The following DCAF11 variants were observed in gnomAD, a reference collection of about 807,000 sequenced individuals.
DCAF11 encodes DDB1 and CUL4 associated factor 11, also known as DDB1- and CUL4-associated factor 11.
A neutral mutation model predicts 76.1 loss-of-function variants in DCAF11; 44 were observed. The ratio of observed to expected loss-of-function variants is 0.58; its 90% CI spans 0.45 to 0.74. DCAF11 has a LOEUF of 0.74. DCAF11 is among the 30% of genes least tolerant of loss of function. The pLI, the probability that DCAF11 is intolerant of heterozygous loss-of-function variation, is 0.00. For missense variants in DCAF11, 604 were observed against 709.4 expected, an observed-to-expected ratio of 0.85 and a Z score of 1.69; for synonymous variants, 258 against 255.0, an observed-to-expected ratio of 1.01 and a Z score of -0.11.
chr14:24,119,852 G>A lies in DCAF11; in HGVS notation c.1048G>A (p.Ala350Thr), dbSNP rs1194344432. 2.5e-6 allele frequency: 4 copies of A among 1,613,928 alleles called. No homozygotes were observed. The African/African-American group carries it at 5.3e-5, about 22-fold the overall frequency. The change falls in exon 11 of 15, where the codon GCA (alanine) becomes ACA (threonine). Residue 350 changes from alanine (A) to threonine (T), a missense_variant. Coordinates refer to ENST00000446197, the MANE Select transcript of DCAF11 (RefSeq NM_025230.5). ...MREDDPKPVG[A>T]LAGHQDGITF... ...GGAGGATGACCCCAAGCCTGTGGGTGCACTGGCTGGACACCAGGATGGCAT... is the reference window on the plus strand; with the variant it reads ...GGAGGATGACCCCAAGCCTGTGGGTACACTGGCTGGACACCAGGATGGCAT...
In DCAF11 at chr14:24,119,152, G is replaced by T; in HGVS notation, c.787G>T (p.Glu263Ter). ...THTALDLRPDERRFAVFSIAV... is the reference protein window; with the variant it reads ...THTALDLRPD ...GCTCCTTCTTGCTTTTAGGCCAGAT[G>T]AGCGTCGCTTTGCTGTCTTCTCCAT... Residue 263 changes from glutamate (E) to a stop codon, truncating the protein, a stop_gained, in exon 9 of 15, where the codon GAG (glutamate) becomes TAG (stop). Coordinates refer to ENST00000446197, the MANE Select transcript of DCAF11 (RefSeq NM_025230.5). LOFTEE classifies it high-confidence loss of function. 2 of 1,614,218 alleles carry T rather than the reference G, an allele frequency of 1.2e-6. No homozygotes were observed. The highest frequency in any genetic ancestry group is 2.2e-5 in the South Asian group (2 of 91,076).
Position 24,115,528 on chromosome 14 carries a change from T to C in DCAF11, c.-67T>C. The C allele has an allele frequency of 6.5e-7, 1 of 1,533,810 alleles. No individual in the cohort carries two copies. Among genetic ancestry groups the C allele is most frequent in the Non-Finnish European group, 8.8e-7 (1 of 1,142,020 alleles). ...TGGTATTTCTAGAGCACGCTTTGCT[T>C]TCACCAAACCCAAGGAGGTGACAGG... On this transcript the variant is annotated 5_prime_UTR_variant, in exon 2 of 15. Transcript: ENST00000446197.
chr14:24,121,486 C>T lies in DCAF11; in HGVS notation c.1368C>T (p.Ile456=). 1 of 1,614,148 alleles carries T rather than the reference C, an allele frequency of 6.2e-7. No individual in the cohort carries two copies. Among genetic ancestry groups the T allele is most frequent in the Non-Finnish European group, 8.5e-7 (1 of 1,180,028 alleles). Residue 456 remains isoleucine, a synonymous_variant, in exon 13 of 15, where the codon ATC becomes ATT. Transcript: ENST00000446197. ...TTCATAGCACTGGCCAGCAGTTCAT[C>T]TACAGTGGCTGCTCCACTGGCAAAG... ...SPIHSTGQQF[I]YSGCSTGKVV... is the part of the protein sequence containing the mutation.
At position 24,118,089 on chromosome 14, in the gene DCAF11, T is replaced by A. The variant is rs774115158; in HGVS notation, c.511T>A (p.Tyr171Asn). The change falls in exon 6 of 15, where the codon TAC (tyrosine) becomes AAC (asparagine). Residue 171 changes from tyrosine to asparagine, a missense_variant. Transcript: ENST00000446197. ...LPNDLGFTDS[Y>N]SQKAFCGIYS... is the part of the protein sequence containing the mutation. Reference sequence around the variant, plus strand: ...CAATGATCTGGGCTTCACTGATAGCTACTCTCAGAAGGCTTTCTGTGGCAT... The same window carrying A: ...CAATGATCTGGGCTTCACTGATAGCAACTCTCAGAAGGCTTTCTGTGGCAT... 9.3e-6 allele frequency: 15 copies of A among 1,612,676 alleles called. No homozygotes were observed. Among genetic ancestry groups the A allele is most frequent in the Non-Finnish European group, 1.3e-5 (15 of 1,179,596 alleles).
chr14:24,118,638 C>G, intron 7 of DCAF11, 104 bp downstream of exon 7: 1 of 1,591,674 alleles, frequency 6.3e-7, no homozygotes, highest in Non-Finnish European at 8.6e-7. Flanking sequence ...CTGGGAAAAT[C>G]ACTCCCAAAG....
chr14:24,121,132 G>A (rs1594339698), intron 12 of DCAF11, 141 bp downstream of exon 12: 1 of 1,304,830 alleles, frequency 7.7e-7, no homozygotes, highest in East Asian at 2.5e-5. Flanking sequence ...CTAGGATTGG[G>A]GCCTGGGTGG....
rs373070338 is a variant in DCAF11 at position 24,118,424 on chromosome 14, G to A, written c.614G>A (p.Arg205His). 18 of 1,614,068 alleles carry A rather than the reference G, an allele frequency of 1.1e-5. No homozygotes were observed. Among genetic ancestry groups the A allele is most frequent in the African/African-American group, 4.0e-5 (3 of 74,930 alleles). ...TIRLYDCRYG[R>H]FRKFKSIKAR... ...CGACTCTATGACTGCCGATATGGCC[G>A]TTTCCGTAAATTCAAGAGCATCAAG... Residue 205 changes from arginine to histidine, a missense_variant, in exon 7 of 15, where the codon CGT becomes CAT. Coordinates refer to ENST00000446197, the MANE Select transcript of DCAF11 (RefSeq NM_025230.5).
chr14:24,119,066 T>G, intron 8 of DCAF11, 79 bp from the exon 9 acceptor site: 2 of 1,584,680 alleles, frequency 1.3e-6, no homozygotes, highest in South Asian at 2.2e-5. Flanking sequence ...GGGATGTGCC[T>G]TACAACCGTT....
chr14:24,117,872 G>A lies in DCAF11; in HGVS notation c.476+140G>A, dbSNP rs2037612133. On this transcript the variant is annotated intron_variant, in intron 5 of 14. Transcript: ENST00000446197. This position sits in a 1 kb window ranked among gnomAD's most constrained non-coding sequence, Gnocchi z 4.3. Reference sequence around the variant, plus strand: ...GGTTGAAACTTTGAGAGTAAACAAAGTAGAAAAGTGTAGAAAATTGTAGAA... The same window carrying A: ...GGTTGAAACTTTGAGAGTAAACAAAATAGAAAAGTGTAGAAAATTGTAGAA... The A allele has an allele frequency of 1.0e-6, 1 of 998,292 alleles. No individual in the cohort carries two copies. The highest frequency in any genetic ancestry group is 1.5e-6 in the Non-Finnish European group (1 of 671,760). The allele number at this position is 998,292 out of a possible 1,614,324, so 61.8% of individuals were successfully genotyped here. A position where few individuals can be genotyped will look rare whatever the true frequency, so the allele number is the denominator to read the frequency against.
rs1276237905 is a variant in DCAF11 at position 24,115,375 on chromosome 14, T to C, written c.-213-7T>C. 1.2e-5 allele frequency: 6 copies of C among 510,828 alleles called. No homozygotes were observed. Among genetic ancestry groups the C allele is most frequent in the African/African-American group, 9.7e-5 (5 of 51,400 alleles). The allele number at this position is 510,828 out of a possible 1,614,324, so 31.6% of individuals were successfully genotyped here. On this transcript the variant is annotated splice_region_variant and splice_polypyrimidine_tract_variant and intron_variant, in intron 1 of 14. Transcript: ENST00000446197. ...TACGGTTCACTCTTGCTTTCTTTGCTTCACAGGATTGGAGAAGGTTTGTGT... is the reference window on the plus strand; with the variant it reads ...TACGGTTCACTCTTGCTTTCTTTGCCTCACAGGATTGGAGAAGGTTTGTGT...
chr14:24,117,945 CA>C lies in DCAF11; in HGVS notation c.477-106del. 1 of 948,152 alleles carries C rather than the reference CA, an allele frequency of 1.1e-6. No homozygotes were observed. The allele number at this position is 948,152 out of a possible 1,614,324, so 58.7% of individuals were successfully genotyped here. A position where few individuals can be genotyped will look rare whatever the true frequency, so the allele number is the denominator to read the frequency against. On this transcript the variant is annotated intron_variant, in intron 5 of 14. Coordinates refer to ENST00000446197, the MANE Select transcript of DCAF11 (RefSeq NM_025230.5). The surrounding 1 kb of genome is among the most constrained non-coding windows in gnomAD (Gnocchi z 4.3). Reference sequence around the variant, plus strand: ...TGAAAGACGGGATTGCACTCACAGCCAAAAGGGAAGAATGACTGTTCTGATA... The same window carrying C: ...TGAAAGACGGGATTGCACTCACAGCCAAAGGGAAGAATGACTGTTCTGATA...
At chr14:24,116,266 G>A (rs1217775643) in intron 2 of DCAF11, among the ~76,000 whole-genome samples, 1 of 152,200 alleles carries the variant, frequency 6.6e-6, no homozygotes, top group East Asian at 1.9e-4. Flanking sequence ...GGTGCAGCTG[G>A]CTTTCTTTCT....
rs150286487 is a variant in DCAF11 at position 24,124,077 on chromosome 14, G to A, written c.*768G>A. 3.9e-5 allele frequency: 6 copies of A among 152,312 alleles called. No individual in the cohort carries two copies. Among genetic ancestry groups the A allele is most frequent in the African/African-American group, 1.4e-4 (6 of 41,566 alleles). The allele number at this position is 152,312 out of a possible 1,614,324, so 9.4% of individuals were successfully genotyped here. A position where few individuals can be genotyped will look rare whatever the true frequency, so the allele number is the denominator to read the frequency against. ...TCACTCTCTGTTTTTCCTATCTGAG[G>A]TCTTTCATCTCCTCACTTCAGGAAA... On this transcript the variant is annotated 3_prime_UTR_variant, in exon 15 of 15. Transcript: ENST00000446197.
chr14:24,123,565 G>GA lies in DCAF11; in HGVS notation c.*256_*257insA. ...TGGCAGGACTGCCATTATCTGGGGT[G>GA]TGGCCTCTGCCAGCAAGAGAAGTGT... On this transcript the variant is annotated 3_prime_UTR_variant, in exon 15 of 15. Transcript: ENST00000446197. 2.2e-6 allele frequency: 1 copy of GA among 448,082 alleles called. No individual in the cohort carries two copies. 27.8% of individuals were successfully genotyped at this position (448,082 alleles called of 1,614,324 possible).
intron 2 of DCAF11, 28 bp from the exon 3 acceptor site, chr14:24,116,889 C>G: frequency 6.2e-7 from 1 of 1,613,796 alleles, no homozygotes; most frequent in Non-Finnish European, 8.5e-7. Flanking sequence ...AAGAAGTCCC[C>G]TCCTTTATAA....
At chr14:24,118,338 A>G (rs755034469) in intron 6 of DCAF11, 50 bp from the exon 7 acceptor site, 23 of 1,609,702 alleles carry the variant, frequency 1.4e-5, no homozygotes, top group Admixed American at 8.4e-5. Flanking sequence ...TAATCTAGAA[A>G]AGTTACAAGG....
intron 6 of DCAF11, 88 bp downstream of exon 6, chr14:24,118,243 T>C: frequency 1.3e-6 from 2 of 1,566,404 alleles, no homozygotes; most frequent in Non-Finnish European, 1.8e-6. Context: ...GACGGGGAGC[T>C]CAGACCTGGC....
Position 24,117,995 on chromosome 14 carries a change from T to C in DCAF11, c.477-60T>C. 2 of 1,228,502 alleles carry C rather than the reference T, an allele frequency of 1.6e-6. No individual in the cohort carries two copies. The highest frequency in any genetic ancestry group is 1.3e-5 in the South Asian group (1 of 76,280). 76.1% of individuals were successfully genotyped at this position (1,228,502 alleles called of 1,614,324 possible). A position where few individuals can be genotyped will look rare whatever the true frequency, so the allele number is the denominator to read the frequency against. Reference sequence around the variant, plus strand: ...TATTCCAGCTCTGTTAGGATTCTGCTGATTGGGACACTCCTTATCCTGAGC... The same window carrying C: ...TATTCCAGCTCTGTTAGGATTCTGCCGATTGGGACACTCCTTATCCTGAGC... On this transcript the variant is annotated intron_variant, in intron 5 of 14. Coordinates refer to ENST00000446197, the MANE Select transcript of DCAF11 (RefSeq NM_025230.5). The surrounding 1 kb of genome is among the most constrained non-coding windows in gnomAD (Gnocchi z 4.3).
chr14:24,114,824 G>C lies in DCAF11; in HGVS notation c.-683G>C, dbSNP rs557150735. ...GCCAGGAAGCCGCGAGATGCGTGAC[G>C]AGCGAAGCGCGTGACGGAGGAGCGG... On this transcript the variant is annotated 5_prime_UTR_variant, in exon 1 of 15. Transcript: ENST00000446197. 2.0e-6 allele frequency: 2 copies of C among 985,848 alleles called. No homozygotes were observed. The highest frequency in any genetic ancestry group is 2.4e-6 in the Non-Finnish European group (2 of 829,976). 61.1% of individuals were successfully genotyped at this position (985,848 alleles called of 1,614,324 possible). A position where few individuals can be genotyped will look rare whatever the true frequency, so the allele number is the denominator to read the frequency against.
Sources: gnomAD v4.1 joint callset for allele counts (sites outside exome capture counted in the v4.1 genomes callset) on GRCh38, gnomAD v4.1.1 for gene constraint, Gnocchi (gnomAD v3.1) non-coding constraint, MANE v1.5 for transcripts, NCBI Gene and HGNC (gene_info 2026-07-23, HGNC 2026-07-21) for gene names.